Variants in KCNQ5 observed in about 807,000 individuals in gnomAD.
The protein encoded by KCNQ5 is potassium voltage-gated channel subfamily KQT member 5.
A neutral mutation model predicts 98.2 loss-of-function variants in KCNQ5; 30 were observed. That is an observed-to-expected ratio of 0.31 (90% CI 0.23 to 0.41). The LOEUF is 0.41. Ranked by LOEUF, KCNQ5 falls within the 10% of genes least tolerant of loss-of-function variation. The pLI is 1.00. For synonymous variants in KCNQ5, 458 were observed against 449.4 expected (o/e 1.02, Z -0.24); for missense variants, 835 against 1,182.5 (o/e 0.71, Z 4.31).
intron 1 of KCNQ5, among the ~76,000 whole-genome samples, chr6:72,801,698 G>T (rs1297178916): frequency 1.3e-5 from 2 of 151,314 alleles, no homozygotes; most frequent in Non-Finnish European, 2.9e-5. Context: ...TTGCTCGTTA[G>T]TTGATGCAGT....
intron 1 of KCNQ5, among the ~76,000 whole-genome samples, chr6:72,628,956 C>T (rs2098919384): frequency 6.6e-6 from 1 of 152,160 alleles, no homozygotes; most frequent in Admixed American, 6.5e-5. Flanking sequence ...ATCACTCCTC[C>T]TCTGCTTGGA....
chr6:72,689,982 G>A (rs553539789), intron 1 of KCNQ5, among the ~76,000 whole-genome samples: 83 of 152,198 alleles, frequency 5.5e-4, no homozygotes, highest in African/African-American at 1.9e-3. Context: ...GCTTACAAAA[G>A]CATGAAAATG....
At chr6:72,949,658 A>G (rs1444789467) in intron 1 of KCNQ5, among the ~76,000 whole-genome samples, 2 of 152,188 alleles carry the variant, frequency 1.3e-5, no homozygotes, top group Non-Finnish European at 2.9e-5. Context: ...CAATTTTAAC[A>G]TTTTTGCTCG....
chr6:73,194,710 G>T lies in KCNQ5; in HGVS notation c.2095G>T (p.Ala699Ser). ...QFILTPNEFS[A>S]QTFYALSPTM... ...CATTCTGACGCCAAATGAGTTCAGT[G>T]CCCAGACTTTCTACGCGCTTAGCCC... Residue 699 changes from alanine to serine, a missense_variant, in exon 14 of 14, where the codon GCC (alanine) becomes TCC (serine). Ala to Ser is a moderately conservative substitution (Grantham distance 99, BLOSUM62 1). Coordinates refer to ENST00000370398, the MANE Select transcript of KCNQ5 (RefSeq NM_019842.4). The T allele has an allele frequency of 6.2e-7, 1 of 1,614,244 alleles. No individual in the cohort carries two copies. The highest frequency in any genetic ancestry group is 1.7e-5 in the Admixed American group (1 of 60,034).
intron 1 of KCNQ5, among the ~76,000 whole-genome samples, chr6:72,782,033 T>C (rs2154477901): frequency 6.6e-6 from 1 of 151,808 alleles, no homozygotes; most frequent in South Asian, 2.1e-4. Context: ...AACAATAGTA[T>C]TGACTTTAAC....
chr6:72,894,944 C>A (rs911581335), intron 1 of KCNQ5, among the ~76,000 whole-genome samples: 2 of 151,840 alleles, frequency 1.3e-5, no homozygotes, highest in African/African-American at 4.8e-5. Flanking sequence ...CTGGGAGTGT[C>A]CATGAGCACG....
intron 10 of KCNQ5, among the ~76,000 whole-genome samples, chr6:73,160,164 C>A (rs1777557292): frequency 6.6e-6 from 1 of 151,454 alleles, no homozygotes; most frequent in Non-Finnish European, 1.5e-5. Flanking sequence ...CAGGCACCCA[C>A]CACGACGCCC....
At chr6:72,985,094 T>A (rs1768699445) in intron 1 of KCNQ5, among the ~76,000 whole-genome samples, 1 of 152,144 alleles carries the variant, frequency 6.6e-6, no homozygotes, top group African/African-American at 2.4e-5. Context: ...TAGTCCTAGA[T>A]ACTTGGGAGG....
At chr6:73,178,717 G>A (rs1175027771) in intron 11 of KCNQ5, among the ~76,000 whole-genome samples, 1 of 152,070 alleles carries the variant, frequency 6.6e-6, no homozygotes, top group Non-Finnish European at 1.5e-5. Flanking sequence ...CCTTGGTCTT[G>A]TCTAGTAACC....
intron 1 of KCNQ5, among the ~76,000 whole-genome samples, chr6:72,676,164 T>C (rs1039114323): frequency 6.6e-6 from 1 of 152,168 alleles, no homozygotes; most frequent in Admixed American, 6.5e-5. Context: ...TATTTCGTAC[T>C]TCATGAAAAA....
chr6:72,636,184 T>C (rs2098924022), intron 1 of KCNQ5, among the ~76,000 whole-genome samples: 2 of 152,180 alleles, frequency 1.3e-5, no homozygotes, highest in African/African-American at 4.8e-5. Context: ...GTGGAATTAT[T>C]ATATAAAAAT....
chr6:72,921,573 A>G (rs1466684178), intron 1 of KCNQ5, among the ~76,000 whole-genome samples: 2 of 152,198 alleles, frequency 1.3e-5, no homozygotes, highest in Non-Finnish European at 2.9e-5. Flanking sequence ...CGTTGCTTGC[A>G]TGAGAGATTC....
intron 11 of KCNQ5, among the ~76,000 whole-genome samples, chr6:73,186,104 T>G (rs1402969129): frequency 6.6e-6 from 1 of 152,096 alleles, no homozygotes; most frequent in East Asian, 1.9e-4. Flanking sequence ...GGTATCTCCT[T>G]GTAGGCCCAG....
In KCNQ5 at chr6:73,194,519, C is replaced by A; in HGVS notation, c.1904C>A (p.Ser635Tyr). The A allele has an allele frequency of 6.2e-7, 1 of 1,614,228 alleles. No individual in the cohort carries two copies. Among genetic ancestry groups the A allele is most frequent in the Non-Finnish European group, 8.5e-7 (1 of 1,180,038 alleles). ...DIYQQVLRKG[S>Y]ASALALASFQ... The stretch of plus-strand genomic sequence containing the variant: ...TATCAACAGGTCCTTCGGAAAGGCT[C>A]TGCCTCAGCCCTCGCTTTGGCTTCA... Residue 635 changes from serine (S) to tyrosine (Y), a missense_variant, in exon 14 of 14, where the codon TCT becomes TAT. By Grantham distance (144) the Ser-to-Tyr change is moderately radical. This residue lies in a region of KCNQ5 where 416 missense variants were observed against 446.9 expected (regional missense o/e 0.93). Coordinates refer to ENST00000370398, the MANE Select transcript of KCNQ5 (RefSeq NM_019842.4).
chr6:73,070,758 A>G (rs1327574065), intron 3 of KCNQ5, among the ~76,000 whole-genome samples: 2 of 152,170 alleles, frequency 1.3e-5, no homozygotes, highest in Non-Finnish European at 2.9e-5. Context: ...ATTAACTAGA[A>G]TTAGTCACCT....
chr6:72,882,391 C>T (rs76972090), intron 1 of KCNQ5, among the ~76,000 whole-genome samples: 179 of 152,202 alleles, frequency 1.2e-3, no homozygotes, highest in African/African-American at 3.9e-3. Flanking sequence ...GAGCAGGGTA[C>T]GGGCATCAAC....
In KCNQ5 at chr6:72,622,371, T is replaced by C; in HGVS notation, c.182T>C (p.Leu61Pro). 2.1e-6 allele frequency: 3 copies of C among 1,463,232 alleles called. No homozygotes were observed. The highest frequency in any genetic ancestry group is 1.4e-5 in the South Asian group (1 of 71,586). The allele number at this position is 1,463,232 out of a possible 1,614,324, so 90.6% of individuals were successfully genotyped here. A position where few individuals can be genotyped will look rare whatever the true frequency, so the allele number is the denominator to read the frequency against. Residue 61 changes from leucine to proline, a missense_variant, in exon 1 of 14, where the codon CTG becomes CCG. Physicochemically the swap from Leu to Pro is moderately conservative, Grantham distance 98. Transcript: ENST00000370398. This position sits in a 1 kb window ranked among gnomAD's most constrained non-coding sequence, Gnocchi z 6.0. The part of the protein sequence containing the change: ...AAARGDGLLL[L>P]GTRAATLGGG... ...GCCAGGGGCGACGGCCTGCTACTGC[T>C]GGGCACCCGCGCGGCCACGCTCGGT...
At chr6:72,979,263 C>A (rs943332947) in intron 1 of KCNQ5, among the ~76,000 whole-genome samples, 2 of 152,226 alleles carry the variant, frequency 1.3e-5, no homozygotes, top group Non-Finnish European at 2.9e-5. Context: ...CTGTCTTCCA[C>A]AATGGTTGAA....
chr6:72,824,969 C>T (rs1242010369), intron 1 of KCNQ5, among the ~76,000 whole-genome samples: 1 of 152,034 alleles, frequency 6.6e-6, no homozygotes, highest in African/African-American at 2.4e-5. Context: ...ATCTTTACAA[C>T]AACCCAGAGA....
Sources: gnomAD v4.1 joint callset for allele counts (sites outside exome capture counted in the v4.1 genomes callset) on GRCh38, gnomAD v4.1.1 for gene constraint, gnomAD v4.1.1 regional missense constraint, Gnocchi (gnomAD v3.1) non-coding constraint, MANE v1.5 for transcripts, NCBI Gene and HGNC (gene_info 2026-07-23, HGNC 2026-07-21) for gene names.